Variants in MYCBP2 observed in about 807,000 individuals in gnomAD.
MYCBP2 encodes MYC binding protein 2, also known as E3 ubiquitin-protein ligase MYCBP2.
In MYCBP2, 120 loss-of-function variants were observed where a neutral mutation model predicts 525.3. The observed-to-expected ratio is 0.23, with a 90% CI of 0.20 to 0.27. MYCBP2 has a LOEUF of 0.27. MYCBP2 is among the 10% of genes least tolerant of loss of function. MYCBP2 has a pLI of 1.00. For synonymous variants in MYCBP2, 1,894 were observed against 1,955.8 expected, an observed-to-expected ratio of 0.97 and a Z score of 0.83; for missense variants, 4,149 against 5,657.1, an observed-to-expected ratio of 0.73 and a Z score of 8.55.
chr13:77,135,552 C>T (rs1361144979), intron 52 of MYCBP2, among the ~76,000 whole-genome samples: 3 of 152,168 alleles, frequency 2.0e-5, no homozygotes, highest in African/African-American at 7.2e-5. Context: ...CTGCCTATGC[C>T]AGGCCTCTGA....
intron 20 of MYCBP2, among the ~76,000 whole-genome samples, chr13:77,218,523 A>C (rs2065121084): frequency 6.6e-6 from 1 of 152,190 alleles, no homozygotes; most frequent in Admixed American, 6.6e-5. Context: ...TGGCTCCCCA[A>C]CTTAATAATA....
In MYCBP2 at chr13:77,068,571, C is replaced by G; in HGVS notation, c.12165G>C (p.Gln4055His). The change falls in exon 70 of 83, where the codon CAG (glutamine) becomes CAC (histidine). Residue 4055 changes from glutamine (Q) to histidine (H), a missense_variant. This residue lies in a region of MYCBP2 where 64 missense variants were observed against 131.2 expected (regional missense o/e 0.49). Transcript: ENST00000544440. ...CTGTAGTGTGATCAGTCACCTGTCTCTGGACTCTAGGAGAGGCTGTGTGAA... is the reference window on the plus strand; with the variant it reads ...CTGTAGTGTGATCAGTCACCTGTCTGTGGACTCTAGGAGAGGCTGTGTGAA... ...SLLHTASPRV[Q>H]RQVTSLLRRV... 1 of 1,614,116 alleles carries G rather than the reference C, an allele frequency of 6.2e-7. No homozygotes were observed. Among genetic ancestry groups the G allele is most frequent in the Non-Finnish European group, 8.5e-7 (1 of 1,179,998 alleles).
intron 1 of MYCBP2, among the ~76,000 whole-genome samples, chr13:77,309,250 T>A (rs1213347999): frequency 6.6e-6 from 1 of 152,192 alleles, no homozygotes; most frequent in Non-Finnish European, 1.5e-5. Flanking sequence ...TATAATTTCT[T>A]ATTGCCAACC....
chr13:77,326,874 G>A lies in MYCBP2; in HGVS notation c.-99C>T. Reference sequence around the variant, plus strand: ...CCCTTTTCCAACGACGACGGCTCCGGCGGCGGCCTCTGGCTCCCGCAGCAG... The same window carrying A: ...CCCTTTTCCAACGACGACGGCTCCGACGGCGGCCTCTGGCTCCCGCAGCAG... On this transcript the variant is annotated 5_prime_UTR_variant, in exon 1 of 83. Coordinates refer to ENST00000544440, the MANE Select transcript of MYCBP2 (RefSeq NM_015057.5). This position sits in a 1 kb window ranked among gnomAD's most constrained non-coding sequence, Gnocchi z 4.2. 8.3e-7 allele frequency: 1 copy of A among 1,207,136 alleles called. No homozygotes were observed. The highest frequency in any genetic ancestry group is 4.2e-5 in the Admixed American group (1 of 23,944). 74.8% of individuals were successfully genotyped at this position (1,207,136 alleles called of 1,614,324 possible).
chr13:77,191,915 G>A (rs921079232), intron 27 of MYCBP2, 102 bp from the exon 28 acceptor site: 1 of 1,119,600 alleles, frequency 8.9e-7, no homozygotes, highest in Non-Finnish European at 1.3e-6. Flanking sequence ...GAAACTAACT[G>A]TATTATAAAA....
intron 37 of MYCBP2, among the ~76,000 whole-genome samples, chr13:77,172,601 A>G (rs1158851171): frequency 6.6e-6 from 1 of 152,202 alleles, no homozygotes; most frequent in Non-Finnish European, 1.5e-5. Flanking sequence ...AGACTATTAA[A>G]TATGGAAGTA....
intron 55 of MYCBP2, among the ~76,000 whole-genome samples, chr13:77,107,179 A>G (rs1336587068): frequency 6.6e-6 from 1 of 152,136 alleles, no homozygotes; most frequent in African/African-American, 2.4e-5. Flanking sequence ...CTCTGAATAG[A>G]ACTTCAGATA....
chr13:77,138,615 T>C (rs932261099), intron 52 of MYCBP2, among the ~76,000 whole-genome samples: 1 of 152,180 alleles, frequency 6.6e-6, no homozygotes, highest in Non-Finnish European at 1.5e-5. Flanking sequence ...GTAGCAATCT[T>C]GTGAACACTG....
intron 1 of MYCBP2, among the ~76,000 whole-genome samples, chr13:77,299,046 C>T (rs913618060): frequency 6.6e-6 from 1 of 152,140 alleles, no homozygotes; most frequent in South Asian, 2.1e-4. Context: ...TTAAAGATTA[C>T]CTGAGTGAAA....
At chr13:77,314,725 AC>A (rs1347606639) in intron 1 of MYCBP2, among the ~76,000 whole-genome samples, 3 of 152,024 alleles carry the variant, frequency 2.0e-5, no homozygotes, top group Non-Finnish European at 4.4e-5. Flanking sequence ...AAAATGTATA[AC>A]CCCAAGAGTG....
At chr13:77,156,242 C>G (rs954675757) in intron 45 of MYCBP2, 40 bp from the exon 46 acceptor site, 1 of 1,572,388 alleles carries the variant, frequency 6.4e-7, no homozygotes, top group African/African-American at 1.4e-5. Context: ...ACCCCAAACA[C>G]TGATCAGCAT....
At chr13:77,139,965 A>C in intron 51 of MYCBP2, 82 bp downstream of exon 51, 1 of 832,050 alleles carries the variant, frequency 1.2e-6, no homozygotes, top group Non-Finnish European at 1.8e-6. Context: ...TCTGACAAAA[A>C]ACTCAGTAAC....
intron 26 of MYCBP2, among the ~76,000 whole-genome samples, chr13:77,199,248 A>T (rs2062144210): frequency 6.6e-6 from 1 of 152,254 alleles, no homozygotes; most frequent in Admixed American, 6.5e-5. Context: ...GGGGTCAGGG[A>T]GTTCCCTTTC....
chr13:77,297,206 A>G lies in MYCBP2; in HGVS notation c.303-532T>C, dbSNP rs150806245. On this transcript the variant is annotated intron_variant, in intron 1 of 82. Coordinates refer to ENST00000544440, the MANE Select transcript of MYCBP2 (RefSeq NM_015057.5). The stretch of plus-strand genomic sequence containing the variant: ...TTTAAGCAAAAGGAAGCCCCTGAAT[A>G]ACTTTTGAGAAACAGAAAAAAATAT... Among the ~76,000 whole-genome samples, 302 of 152,356 alleles carry G rather than the reference A, an allele frequency of 2.0e-3. 2 individuals are homozygous for G. The highest frequency in any genetic ancestry group is 6.8e-3 in the Middle Eastern group (2 of 294).
chr13:77,144,427 T>C lies in MYCBP2; in HGVS notation c.7303+18A>G. 4.5e-6 allele frequency: 7 copies of C among 1,543,278 alleles called. No homozygotes were observed. Among genetic ancestry groups the C allele is most frequent in the Non-Finnish European group, 6.3e-6 (7 of 1,116,506 alleles). The stretch of plus-strand genomic sequence containing the variant: ...GTTATTTGAAGTAAGTAGTAGCTCA[T>C]GGCTTTAAAGAAAATACCGATTTCA... On this transcript the variant is annotated intron_variant, in intron 49 of 82. Coordinates refer to ENST00000544440, the MANE Select transcript of MYCBP2 (RefSeq NM_015057.5).
rs1425722925 is a variant in MYCBP2, at chr13:77,270,061, G to A, written c.1191C>T (p.Gly397=). ...IGSGYSGTVR[G]HIYNSTSRIR... is the part of the protein sequence containing the mutation. ...TACGGGATGTAGAATTGTATATATG[G>A]CCCTGCAAAAAAAACAAAAGTTAGT... The change falls in exon 7 of 83, where the codon GGC becomes GGT. Residue 397 remains glycine (G), a splice_region_variant and synonymous_variant. Coordinates refer to ENST00000544440, the MANE Select transcript of MYCBP2 (RefSeq NM_015057.5). The A allele has an allele frequency of 1.9e-6, 3 of 1,598,944 alleles. No individual in the cohort carries two copies. Among genetic ancestry groups the A allele is most frequent in the East Asian group, 4.5e-5 (2 of 44,666 alleles).
At chr13:77,247,932 T>C (rs1430306851) in intron 15 of MYCBP2, among the ~76,000 whole-genome samples, 1 of 149,332 alleles carries the variant, frequency 6.7e-6, no homozygotes, top group Non-Finnish European at 1.5e-5. Context: ...CTAAAACTAT[T>C]ACAAAAAAAA....
chr13:77,280,903 A>C lies in MYCBP2; in HGVS notation c.595-1992T>G, dbSNP rs147280171. ...TAGACTTTTTGTTTAACAAATGGGA[A>C]AACATTCATTTTCAGAATAGTAATA... On this transcript the variant is annotated intron_variant, in intron 3 of 82. Transcript: ENST00000544440. Among the ~76,000 whole-genome samples the C allele has an allele frequency of 1.5e-3, 230 of 152,366 alleles. 2 individuals are homozygous for C. The highest frequency in any genetic ancestry group is 4.7e-3 in the African/African-American group (196 of 41,586).
chr13:77,071,237 G>GTGTATATA (rs146458777), intron 68 of MYCBP2, among the ~76,000 whole-genome samples: 2 of 149,882 alleles, frequency 1.3e-5, no homozygotes, highest in African/African-American at 4.9e-5. Flanking sequence ...ATATGTGTGT[G>GTGTATATA]TATATATATA....
Sources: gnomAD v4.1 joint callset for allele counts (sites outside exome capture counted in the v4.1 genomes callset) on GRCh38, gnomAD v4.1.1 for gene constraint, gnomAD v4.1.1 regional missense constraint, Gnocchi (gnomAD v3.1) non-coding constraint, MANE v1.5 for transcripts, NCBI Gene and HGNC (gene_info 2026-07-23, HGNC 2026-07-21) for gene names.